CEACAM18: variants seen among roughly 807,000 people sequenced by gnomAD.
CEACAM18 encodes the protein cell adhesion molecule CEACAM18.
Under a neutral mutation model 34.3 loss-of-function variants are expected in CEACAM18, and 33 were observed. The ratio of observed to expected loss-of-function variants is 0.96; its 90% CI spans 0.73 to 1.29. The LOEUF (loss-of-function observed/expected upper bound fraction) is 1.29. CEACAM18 is among the 50% of genes most tolerant of loss of function. The pLI is 0.00. For missense variants in CEACAM18, 474 were observed against 485.0 expected (o/e 0.98, Z 0.21); for synonymous variants, 169 against 180.9 (o/e 0.93, Z 0.53).
At chr19:51,482,461 G>A (rs1200569639) in intron 3 of CEACAM18, among the ~76,000 whole-genome samples, 1 of 152,218 alleles carries the variant, frequency 6.6e-6, no homozygotes, top group East Asian at 1.9e-4. Flanking sequence ...TCCTGTGGAA[G>A]GTGGGGTTGA....
At chr19:51,489,861 A>C (rs1990061814) in intron 5 of CEACAM18, among the ~76,000 whole-genome samples, 2 of 152,132 alleles carry the variant, frequency 1.3e-5, no homozygotes, top group African/African-American at 4.8e-5. Context: ...TCAATGTGCA[A>C]TTCTAAACTG....
Position 51,480,617 on chromosome 19 carries a change from TA to T in CEACAM18, c.338del (p.Tyr113SerfsTer21), listed in dbSNP as rs1321640029. ...GACTGCATTAAATGACACGGGAAAC[TA>T]CACTGTTCGGGTGGTTGCAGGCAAT... is the stretch of plus-strand genomic sequence containing the variant. On this transcript the variant is annotated frameshift_variant, in exon 2 of 6. Transcript: ENST00000396477. LOFTEE classifies it high-confidence loss of function. 6.2e-7 allele frequency: 1 copy of T among 1,613,894 alleles called. No homozygotes were observed. Among genetic ancestry groups the T allele is most frequent in the Non-Finnish European group, 8.5e-7 (1 of 1,179,870 alleles).
At chr19:51,483,430 A>G in intron 4 of CEACAM18, 134 bp downstream of exon 4, 2 of 1,094,558 alleles carry the variant, frequency 1.8e-6, no homozygotes, top group East Asian at 2.6e-5. Flanking sequence ...GAAATCTCCC[A>G]GTTCTCTGAG....
chr19:51,484,831 T>C (rs1284747891), intron 4 of CEACAM18, 156 bp from the exon 5 acceptor site: 4 of 887,196 alleles, frequency 4.5e-6, no homozygotes, highest in Non-Finnish European at 6.9e-6. Context: ...GAGTTTGTTT[T>C]GTTGGCTGCT....
intron 1 of CEACAM18, 117 bp from the exon 2 acceptor site, chr19:51,480,216 C>T (rs926139872): frequency 1.2e-6 from 1 of 839,644 alleles, no homozygotes; most frequent in African/African-American, 1.7e-5. Flanking sequence ...AAACTCTTGC[C>T]TGGTTCACCA....
In CEACAM18 at chr19:51,485,122, G is replaced by A; in HGVS notation, c.1089G>A (p.Gln363=). The change falls in exon 5 of 6, where the codon CAG becomes CAA. Residue 363 remains glutamine, a splice_region_variant and synonymous_variant. Transcript: ENST00000396477. ...GCTCTGATCAACCACTACTCAATCA[G>A]GTGCCCTCATTGCTCTGGGACAAGG... The A allele has an allele frequency of 4.6e-6, 7 of 1,507,200 alleles. No homozygotes were observed. The South Asian group carries it at 8.8e-5, about 19-fold the overall frequency. The allele number at this position is 1,507,200 out of a possible 1,614,324, so 93.4% of individuals were successfully genotyped here.
At chr19:51,488,174 G>A (rs726763) in intron 5 of CEACAM18, among the ~76,000 whole-genome samples, 11,971 of 152,258 alleles carry the variant, frequency 0.079, 580 homozygotes, top group African/African-American at 0.13. Flanking sequence ...CATATTCAGG[G>A]AAGAGCAGAG....
At chr19:51,478,975 C>T (rs1032665531) in intron 1 of CEACAM18, among the ~76,000 whole-genome samples, 1 of 151,926 alleles carries the variant, frequency 6.6e-6, no homozygotes, top group Admixed American at 6.6e-5. Flanking sequence ...CACGCGCGCA[C>T]ACACAGAGAG....
rs546333864 is a variant in CEACAM18 at position 51,489,645 on chromosome 19, G to A, written c.1090-942G>A. Among the ~76,000 whole-genome samples the A allele has an allele frequency of 3.9e-5, 6 of 152,098 alleles. No homozygotes were observed. In the South Asian group the frequency reaches 1.0e-3, roughly 26 times the overall value. On this transcript the variant is annotated intron_variant, in intron 5 of 5. Coordinates refer to ENST00000396477, the Ensembl canonical transcript of CEACAM18. ...CCTTCACCAAGGAGCCTACAATGTC[G>A]ACCATACAGTGAGATAGCAGGCAAT...
intron 5 of CEACAM18, among the ~76,000 whole-genome samples, chr19:51,486,403 C>G (rs1990000350): frequency 6.6e-6 from 1 of 152,070 alleles, no homozygotes; most frequent in Non-Finnish European, 1.5e-5. Flanking sequence ...CAATCCTAGA[C>G]CAAGGGTGCA....
exon 4 of CEACAM18, chr19:51,483,077 C>T (rs1371140427): frequency 1.9e-6 from 3 of 1,614,010 alleles, no homozygotes; most frequent in Non-Finnish European, 2.5e-6. Context: ...ATTGTGACAG[C>T]TGAGATCGGC....
chr19:51,482,725 A>C (rs1342916332), intron 3 of CEACAM18, among the ~76,000 whole-genome samples: 1 of 152,262 alleles, frequency 6.6e-6, no homozygotes, highest in Non-Finnish European at 1.5e-5. Context: ...ATGTGGGGAC[A>C]GGCACAGAGC....
intron 4 of CEACAM18, 22 bp downstream of exon 4, chr19:51,483,318 C>T: frequency 1.9e-6 from 3 of 1,613,258 alleles, no homozygotes; most frequent in Non-Finnish European, 1.7e-6. Flanking sequence ...CCCCTCCAGG[C>T]TCATGCTTTG....
intron 5 of CEACAM18, among the ~76,000 whole-genome samples, chr19:51,490,129 A>G (rs1990067178): frequency 6.6e-6 from 1 of 152,156 alleles, no homozygotes; most frequent in Non-Finnish European, 1.5e-5. Flanking sequence ...GGCAAGTAAC[A>G]TCACCTCTCT....
chr19:51,481,419 G>A lies in CEACAM18; in HGVS notation c.427G>A (p.Val143Ile), dbSNP rs182756137. 6.5e-4 allele frequency: 1,048 copies of A among 1,613,902 alleles called. 1 individual carries two copies. The highest frequency in any genetic ancestry group is 1.1e-3 in the Admixed American group (68 of 60,014). ...GTTGGGAAGCAATCTGGGCATCTCC[G>A]TCAATGCCAGCTCCCTGGTGGAGAA... Residue 143 changes from valine (V) to isoleucine (I), a missense_variant, in exon 3 of 6, where the codon GTC (valine) becomes ATC (isoleucine). Physicochemically the swap from Val to Ile is conservative, Grantham distance 29. Coordinates refer to ENST00000396477, the Ensembl canonical transcript of CEACAM18.
intron 5 of CEACAM18, among the ~76,000 whole-genome samples, chr19:51,485,810 G>A (rs1226148155): frequency 1.3e-5 from 2 of 152,224 alleles, no homozygotes; most frequent in East Asian, 3.8e-4. Flanking sequence ...GCTGTCCTGT[G>A]CATTGTGGGA....
chr19:51,489,953 C>G (rs944350776), intron 5 of CEACAM18, among the ~76,000 whole-genome samples: 1 of 152,126 alleles, frequency 6.6e-6, no homozygotes, highest in Non-Finnish European at 1.5e-5. Flanking sequence ...TGGAAGAACC[C>G]CCCTGGCCTG....
At chr19:51,488,013 G>A (rs1227360561) in intron 5 of CEACAM18, among the ~76,000 whole-genome samples, 1 of 152,160 alleles carries the variant, frequency 6.6e-6, no homozygotes, top group East Asian at 1.9e-4. Context: ...AACCAATTAT[G>A]TAGAATGTTC....
chr19:51,489,046 C>A lies in CEACAM18; in HGVS notation c.1090-1541C>A, dbSNP rs148398401. 9.2e-3 allele frequency among the ~76,000 whole-genome samples: 1,386 copies of A among 151,376 alleles called. 21 individuals are homozygous for A. Among genetic ancestry groups the A allele is most frequent in the African/African-American group, 0.03 (1,254 of 41,264 alleles). ...TGTCCATAATGATCCTGCTTCCACT[C>A]GAATTTCTTCAGACGAAAAGTTTCC... On this transcript the variant is annotated intron_variant, in intron 5 of 5. Transcript: ENST00000396477.
Sources: gnomAD v4.1 joint callset for allele counts (sites outside exome capture counted in the v4.1 genomes callset) on GRCh38, gnomAD v4.1.1 for gene constraint, MANE v1.5 for transcripts, NCBI Gene and HGNC (gene_info 2026-07-23, HGNC 2026-07-21) for gene names.